Variants in SLC35F4 observed in about 807,000 individuals in gnomAD.
The protein encoded by SLC35F4 is chromosome 14 open reading frame 36.
Under a neutral mutation model 44.2 loss-of-function variants are expected in SLC35F4, and 24 were observed. That is an observed-to-expected ratio of 0.54 (90% CI 0.39 to 0.76). The LOEUF (loss-of-function observed/expected upper bound fraction) is 0.76, where lower values mean the gene tolerates loss of function less well. Among genes scored for constraint, SLC35F4 ranks in the 30% least tolerant of loss-of-function variants. The probability of loss-of-function intolerance (pLI) is 0.00; values close to 1 mark genes in which losing one functional copy is unlikely to be tolerated. For synonymous variants in SLC35F4, 238 were observed against 223.6 expected (o/e 1.06, Z -0.57); for missense variants, 562 against 586.1 (o/e 0.96, Z 0.42).
chr14:57,843,878 T>C (rs1211594508), intron 1 of SLC35F4, among the ~76,000 whole-genome samples: 1 of 152,160 alleles, frequency 6.6e-6, no homozygotes, highest in African/African-American at 2.4e-5. Context: ...TTGTTTTTAA[T>C]TTCCATTAAG....
intron 1 of SLC35F4, among the ~76,000 whole-genome samples, chr14:57,778,875 G>C (rs1210682324): frequency 6.6e-6 from 1 of 152,070 alleles, no homozygotes; most frequent in Non-Finnish European, 1.5e-5. Context: ...AATGACTTTT[G>C]GGTAAGTAAT....
rs536361052 is a variant in SLC35F4 at position 57,680,982 on chromosome 14, C to T, written c.104-86858G>A. ...TAAATTCAATGTTCTTCCCATCAAG[C>T]TACCATTGACTTTCTGCGAAGAATT... On this transcript the variant is annotated intron_variant, in intron 1 of 7. Coordinates refer to ENST00000556826, the MANE Select transcript of SLC35F4 (RefSeq NM_001306087.2). 1.6e-3 allele frequency among the ~76,000 whole-genome samples: 241 copies of T among 152,196 alleles called. 2 individuals carry two copies. The highest frequency in any genetic ancestry group is 5.5e-3 in the African/African-American group (227 of 41,482).
chr14:57,791,343 A>G (rs949539153), intron 1 of SLC35F4, among the ~76,000 whole-genome samples: 3 of 152,160 alleles, frequency 2.0e-5, no homozygotes, highest in African/African-American at 7.2e-5. Context: ...ACACTTTTCA[A>G]AAGAAGATAT....
chr14:57,921,149 T>C (rs1171995340), intron 1 of SLC35F4, among the ~76,000 whole-genome samples: 2 of 152,230 alleles, frequency 1.3e-5, no homozygotes, highest in African/African-American at 4.8e-5. Flanking sequence ...ACTTGGTAAA[T>C]GCTCAGATAG....
intron 1 of SLC35F4, among the ~76,000 whole-genome samples, chr14:57,814,942 G>C (rs751979833): frequency 6.6e-6 from 1 of 152,106 alleles, no homozygotes. Context: ...TGACAATTTA[G>C]AACAGGGGTT....
chr14:57,596,649 T>C (rs762821167), intron 1 of SLC35F4: 1 of 597,784 alleles, frequency 1.7e-6, no homozygotes, highest in African/African-American at 1.9e-5. Context: ...GGGTAGCAAG[T>C]TGGGATGGGA....
intron 1 of SLC35F4, among the ~76,000 whole-genome samples, chr14:57,735,621 G>C (rs970541832): frequency 1.4e-4 from 22 of 152,208 alleles, no homozygotes; most frequent in African/African-American, 4.6e-4. Flanking sequence ...AAAGTAAAAA[G>C]TACAATGTTC....
intron 1 of SLC35F4, among the ~76,000 whole-genome samples, chr14:57,925,516 A>G (rs1697738278): frequency 8.8e-5 from 2 of 22,854 alleles, no homozygotes; most frequent in Non-Finnish European, 7.8e-5. Flanking sequence ...GGAGGGAGGG[A>G]GGGAGGGAGG....
intron 1 of SLC35F4, among the ~76,000 whole-genome samples, chr14:57,652,245 T>C (rs1674948613): frequency 6.6e-6 from 1 of 152,194 alleles, no homozygotes; most frequent in Non-Finnish European, 1.5e-5. Context: ...AGAATTTTAA[T>C]GACTATCAAT....
At chr14:57,596,231 TAC>T (rs1310780703) in intron 1 of SLC35F4, 3 of 156,506 alleles carry the variant, frequency 1.9e-5, no homozygotes, top group African/African-American at 4.8e-5. Flanking sequence ...ATTAAAAATT[TAC>T]AGTTACTCAG....
chr14:57,963,047 G>A lies in SLC35F4; in HGVS notation n.282+18866C>T, dbSNP rs567830159. On this transcript the variant is annotated intron_variant and non_coding_transcript_variant, in intron 1 of 1. Transcript: ENST00000556568. Reference sequence around the variant, plus strand: ...TACCAGGGTAACCCAGGTTGCAAGTGTCAAAAATGAGAACAGGAGGGAGTT... The same window carrying A: ...TACCAGGGTAACCCAGGTTGCAAGTATCAAAAATGAGAACAGGAGGGAGTT... Among the ~76,000 whole-genome samples, 7 of 152,280 alleles carry A rather than the reference G, an allele frequency of 4.6e-5. No homozygotes were observed. In the South Asian group the frequency reaches 1.2e-3, roughly 27 times the overall value.
chr14:57,890,698 T>C (rs1387318336), intron 1 of SLC35F4, among the ~76,000 whole-genome samples: 2 of 152,150 alleles, frequency 1.3e-5, no homozygotes, highest in African/African-American at 2.4e-5. Flanking sequence ...TTAAGCAAGC[T>C]GTGAGGAAAA....
At chr14:57,771,431 T>A (rs974496538) in intron 1 of SLC35F4, among the ~76,000 whole-genome samples, 6 of 152,170 alleles carry the variant, frequency 3.9e-5, no homozygotes, top group African/African-American at 1.4e-4. Flanking sequence ...GCATAAATAC[T>A]ACAGTACCAT....
chr14:57,788,679 C>T (rs938687929), intron 1 of SLC35F4, among the ~76,000 whole-genome samples: 4 of 152,132 alleles, frequency 2.6e-5, no homozygotes, highest in African/African-American at 7.2e-5. Flanking sequence ...CAGACATCTA[C>T]AGGACTCTCG....
chr14:57,974,910 G>A (rs772997821), downstream of SLC35F4, among the ~76,000 whole-genome samples: 19 of 152,116 alleles, frequency 1.2e-4, no homozygotes, highest in Non-Finnish European at 1.9e-4. Flanking sequence ...ACCCTAGCTA[G>A]GCATCAAAAT....
At chr14:57,645,106 T>TC (rs2073439235) in intron 1 of SLC35F4, among the ~76,000 whole-genome samples, 1 of 152,224 alleles carries the variant, frequency 6.6e-6, no homozygotes, top group Admixed American at 6.5e-5. Flanking sequence ...TGATGCAGAC[T>TC]CTTTTTTGGT....
In SLC35F4 at chr14:57,827,318, G is replaced by C. The variant is rs150207644; in HGVS notation, c.103+38405C>G. On this transcript the variant is annotated intron_variant, in intron 1 of 7. Coordinates refer to ENST00000556826, the MANE Select transcript of SLC35F4 (RefSeq NM_001306087.2). ...GTGGAAGCTGAATGATGAGAACAGGGAGGGGAACAACACACACTAGGACCT... is the reference window on the plus strand; with the variant it reads ...GTGGAAGCTGAATGATGAGAACAGGCAGGGGAACAACACACACTAGGACCT... 2.7e-3 allele frequency among the ~76,000 whole-genome samples: 418 copies of C among 152,010 alleles called. 3 individuals carry two copies. Among genetic ancestry groups the C allele is most frequent in the African/African-American group, 8.7e-3 (362 of 41,504 alleles).
At chr14:57,876,311 A>G (rs1316308359) in intron 1 of SLC35F4, among the ~76,000 whole-genome samples, 2 of 152,166 alleles carry the variant, frequency 1.3e-5, no homozygotes, top group African/African-American at 4.8e-5. Flanking sequence ...GGCATTTATC[A>G]CACTACAGAG....
intron 1 of SLC35F4, among the ~76,000 whole-genome samples, chr14:57,782,778 T>A (rs1328427384): frequency 1.6e-4 from 24 of 152,192 alleles, no homozygotes; most frequent in Admixed American, 1.6e-3. Context: ...ATGTGTTTAG[T>A]GCAATACCAT....
Sources: gnomAD v4.1 joint callset for allele counts (sites outside exome capture counted in the v4.1 genomes callset) on GRCh38, gnomAD v4.1.1 for gene constraint, MANE v1.5 for transcripts, NCBI Gene and HGNC (gene_info 2026-07-23, HGNC 2026-07-21) for gene names.